Variants in NTN1 observed in about 807,000 individuals in gnomAD.
The protein encoded by NTN1 is netrin-1.
A neutral mutation model predicts 54.2 loss-of-function variants in NTN1; 11 were observed. The observed-to-expected ratio is 0.20, with a 90% confidence interval of 0.13 to 0.34. The LOEUF (loss-of-function observed/expected upper bound fraction) is 0.34. NTN1 is among the 10% of genes least tolerant of loss of function. The pLI is 1.00. For missense variants in NTN1, 740 were observed against 893.1 expected, an observed-to-expected ratio of 0.83 and a Z score of 2.18; for synonymous variants, 371 against 382.0, an observed-to-expected ratio of 0.97 and a Z score of 0.33.
intron 2 of NTN1, among the ~76,000 whole-genome samples, chr17:9,072,450 C>T (rs1247202675): frequency 2.6e-5 from 4 of 152,166 alleles, no homozygotes; most frequent in African/African-American, 9.7e-5. Context: ...ACCCGGCCTT[C>T]TCATCAAACC....
chr17:9,114,158 AAAAAAAAAAT>A (rs2092202122), intron 2 of NTN1, among the ~76,000 whole-genome samples: 20 of 95,066 alleles, frequency 2.1e-4, no homozygotes, highest in Admixed American at 1.8e-3. Context: ...AAAAAGAAAA[AAAAAAAAAAT>A]ATATATATAT....
intron 5 of NTN1, among the ~76,000 whole-genome samples, chr17:9,199,300 G>A (rs535497344): frequency 3.9e-5 from 6 of 152,080 alleles, no homozygotes; most frequent in Admixed American, 6.6e-5. Context: ...CCACCACCAC[G>A]CCCAGCTAAT....
chr17:9,161,065 A>G (rs1483586481), intron 2 of NTN1, among the ~76,000 whole-genome samples: 3 of 152,248 alleles, frequency 2.0e-5, no homozygotes, highest in Admixed American at 2.0e-4. Flanking sequence ...GAACGAGAAG[A>G]GGCCAGACCT....
intron 2 of NTN1, among the ~76,000 whole-genome samples, chr17:9,050,329 T>G (rs972379213): frequency 6.6e-6 from 1 of 151,788 alleles, no homozygotes; most frequent in African/African-American, 2.4e-5. Flanking sequence ...TGAGTCCTGC[T>G]TTGAAAGCTA....
chr17:9,018,467 A>G (rs1045252484), upstream of NTN1, among the ~76,000 whole-genome samples: 1 of 152,016 alleles, frequency 6.6e-6, no homozygotes, highest in Non-Finnish European at 1.5e-5. Context: ...CCCCGTCTCT[A>G]CTAAAAATAC....
chr17:9,178,008 G>A lies in NTN1; in HGVS notation c.1208-1799G>A, dbSNP rs140937771. On this transcript the variant is annotated intron_variant, in intron 3 of 6. Transcript: ENST00000173229. Reference sequence around the variant, plus strand: ...TCAGGAGTTCGAGACCAGCCTGGCTGACGTGTTAAAACCCCATCTCTACTA... The same window carrying A: ...TCAGGAGTTCGAGACCAGCCTGGCTAACGTGTTAAAACCCCATCTCTACTA... 5.0e-4 allele frequency among the ~76,000 whole-genome samples: 76 copies of A among 152,230 alleles called. 1 individual carries two copies. The highest frequency in any genetic ancestry group is 1.8e-3 in the African/African-American group (75 of 41,564).
chr17:9,038,265 C>CTCTCACACACACACACACACACACACA (rs55982115), intron 2 of NTN1, among the ~76,000 whole-genome samples: 1 of 144,076 alleles, frequency 6.9e-6, no homozygotes, highest in African/African-American at 2.7e-5. Context: ...TTCTCTCTCT[C>CTCTCACACACACACACACACACACACA]CACACACACA....
intron 3 of NTN1, among the ~76,000 whole-genome samples, chr17:9,163,223 G>A (rs1051419971): frequency 1.0e-4 from 15 of 149,746 alleles, no homozygotes; most frequent in African/African-American, 2.7e-4. Flanking sequence ...CAAAACAAAG[G>A]GGTGATGGAG....
At chr17:9,201,571 C>T (rs1453791212) in intron 5 of NTN1, among the ~76,000 whole-genome samples, 2 of 152,226 alleles carry the variant, frequency 1.3e-5, no homozygotes, top group Non-Finnish European at 2.9e-5. Context: ...TCAATGGTGC[C>T]TCTCACACAT....
chr17:9,209,457 C>T (rs1011013249), intron 5 of NTN1, among the ~76,000 whole-genome samples: 4 of 152,228 alleles, frequency 2.6e-5, no homozygotes, highest in African/African-American at 2.4e-5. Flanking sequence ...TTGAGGCTGT[C>T]CCAGTGGGTG....
chr17:9,098,804 G>A (rs9890975), intron 2 of NTN1, among the ~76,000 whole-genome samples: 123,283 of 152,158 alleles, frequency 0.81, 50,330 homozygotes, highest in East Asian at 0.96. Flanking sequence ...GGCCAGGACA[G>A]CTTTTGTTTT....
chr17:9,044,908 A>G (rs1597467996), intron 2 of NTN1, among the ~76,000 whole-genome samples: 1 of 152,366 alleles, frequency 6.6e-6, no homozygotes, highest in South Asian at 2.1e-4. Context: ...AGTAGAATTC[A>G]GAGCAGAGTA....
chr17:9,141,295 G>C (rs80154000), intron 2 of NTN1, among the ~76,000 whole-genome samples: 10 of 151,428 alleles, frequency 6.6e-5, no homozygotes, highest in Admixed American at 2.0e-4. Flanking sequence ...GCTTTAATGA[G>C]GGGGGGGAGA....
intron 2 of NTN1, among the ~76,000 whole-genome samples, chr17:9,117,757 A>G (rs1244516638): frequency 1.6e-5 from 2 of 128,862 alleles, no homozygotes; most frequent in Non-Finnish European, 3.1e-5. Context: ...AAACAAACAA[A>G]CAAACAAAAA....
rs1905120505 is a variant in NTN1 at position 9,212,143 on chromosome 17, A to T, written c.1412-9025A>T. ...GCGAGACTAGTACAGGCTTAGAGAG[A>T]TGGGTGGGGGCTAGAGATCTGCCTG... On this transcript the variant is annotated intron_variant, in intron 5 of 6. Transcript: ENST00000173229. The surrounding 1 kb of genome is among the most constrained non-coding windows in gnomAD (Gnocchi z 5.5). Among the ~76,000 whole-genome samples the T allele has an allele frequency of 6.6e-6, 1 of 152,116 alleles. No individual in the cohort carries two copies. The highest frequency in any genetic ancestry group is 6.6e-5 in the Admixed American group (1 of 15,264).
upstream of NTN1, among the ~76,000 whole-genome samples, chr17:9,019,018 T>C (rs192054809): frequency 4.5e-4 from 68 of 152,350 alleles, no homozygotes; most frequent in East Asian, 8.5e-3. Context: ...TTTTATCTCA[T>C]GGACACTGGG....
intron 5 of NTN1, among the ~76,000 whole-genome samples, chr17:9,214,787 A>C (rs1402762949): frequency 6.6e-6 from 1 of 152,174 alleles, no homozygotes; most frequent in East Asian, 1.9e-4. Flanking sequence ...ACGCCACTGC[A>C]CTCCAGCCTG....
chr17:9,148,075 G>A (rs373396603), intron 2 of NTN1, among the ~76,000 whole-genome samples: 1 of 152,178 alleles, frequency 6.6e-6, no homozygotes, highest in Non-Finnish European at 1.5e-5. Context: ...TAGTGACAGG[G>A]CCTCTTGAGG....
At chr17:9,139,952 CCATT>C (rs1044094896) in intron 2 of NTN1, among the ~76,000 whole-genome samples, 2 of 152,200 alleles carry the variant, frequency 1.3e-5, no homozygotes, top group African/African-American at 4.8e-5. Flanking sequence ...TGTCCATCAT[CCATT>C]CATTCATCCA....
Sources: gnomAD v4.1 joint callset for allele counts (sites outside exome capture counted in the v4.1 genomes callset) on GRCh38, gnomAD v4.1.1 for gene constraint, Gnocchi (gnomAD v3.1) non-coding constraint, MANE v1.5 for transcripts, NCBI Gene and HGNC (gene_info 2026-07-23, HGNC 2026-07-21) for gene names.